Variants in ADGB observed in about 807,000 individuals in gnomAD.
The protein encoded by ADGB is androglobin.
A neutral mutation model predicts 210.5 loss-of-function variants in ADGB; 172 were observed. The observed-to-expected ratio is 0.82, with a 90% CI of 0.72 to 0.93. ADGB has a LOEUF of 0.93. Ranked by LOEUF, ADGB falls within the 40% of genes least tolerant of loss-of-function variation. ADGB has a pLI of 0.00. For synonymous variants in ADGB, 658 were observed against 662.7 expected, an observed-to-expected ratio of 0.99 and a Z score of 0.11; for missense variants, 2,025 against 1,964.8, an observed-to-expected ratio of 1.03 and a Z score of -0.58.
chr6:146,742,981 T>C (rs1043528726), intron 25 of ADGB, among the ~76,000 whole-genome samples: 1 of 152,150 alleles, frequency 6.6e-6, no homozygotes, highest in Non-Finnish European at 1.5e-5. Flanking sequence ...AAGCCAAATA[T>C]TGGAAACCCC....
intron 35 of ADGB, chr6:146,803,950 A>G (rs1443828230): frequency 4.3e-6 from 1 of 235,238 alleles, no homozygotes; most frequent in Non-Finnish European, 8.1e-6. Context: ...GTGGCAGCAG[A>G]TATGTTAGGA....
chr6:146,687,849 C>G (rs1332936006), intron 10 of ADGB, among the ~76,000 whole-genome samples: 3 of 152,014 alleles, frequency 2.0e-5, no homozygotes, highest in African/African-American at 7.2e-5. Context: ...AGTATTCAAA[C>G]CCCCTTTAAA....
At chr6:146,672,890 C>A (rs2114903874) in intron 8 of ADGB, among the ~76,000 whole-genome samples, 1 of 152,080 alleles carries the variant, frequency 6.6e-6, no homozygotes, top group South Asian at 2.1e-4. Flanking sequence ...ACCACCACGC[C>A]CAGCTAATTT....
chr6:146,631,923 A>G (rs1781071532), intron 1 of ADGB, among the ~76,000 whole-genome samples: 2 of 151,418 alleles, frequency 1.3e-5, no homozygotes, highest in Admixed American at 1.3e-4. Flanking sequence ...ATCATTCTTG[A>G]TCTGCTAGCT....
Position 146,724,318 on chromosome 6 carries a change from T to G in ADGB, c.2228T>G (p.Leu743Arg), listed in dbSNP as rs984403819. The change falls in exon 18 of 36, where the codon CTG becomes CGG. Residue 743 changes from leucine (L) to arginine (R), a missense_variant. Coordinates refer to ENST00000397944, the MANE Select transcript of ADGB (RefSeq NM_024694.4). ...TYATKATVVRLPVGRHMLLFN... is the reference protein window; with the variant it reads ...TYATKATVVRRPVGRHMLLFN... Reference sequence around the variant, plus strand: ...GCTACCAAGGCTACAGTGGTTCGTCTGCCTGTTGGGTATGAAGTGGCTTCA... The same window carrying G: ...GCTACCAAGGCTACAGTGGTTCGTCGGCCTGTTGGGTATGAAGTGGCTTCA... 1.3e-4 allele frequency: 194 copies of G among 1,537,522 alleles called. No individual in the cohort carries two copies. The highest frequency in any genetic ancestry group is 1.7e-4 in the Non-Finnish European group (189 of 1,142,458).
At chr6:146,802,928 T>G in intron 35 of ADGB, 1 of 1,610,608 alleles carries the variant, frequency 6.2e-7, no homozygotes, top group Non-Finnish European at 8.5e-7. Context: ...ATTTCCATCA[T>G]TTAAAATTTG....
rs1349508320 is a variant in ADGB, at chr6:146,815,209, A to G, written c.4996A>G (p.Lys1666Glu). ...PDTQKKKKGK[K>E]K is the part of the protein sequence containing the mutation. Reference sequence around the variant, plus strand: ...CACACAGAAAAAAAAGAAAGGAAAGAAAAAGTAACCAGGGGATGTCCAATA... The same window carrying G: ...CACACAGAAAAAAAAGAAAGGAAAGGAAAAGTAACCAGGGGATGTCCAATA... The change falls in exon 36 of 36, where the codon AAA becomes GAA. Residue 1666 changes from lysine to glutamate, a missense_variant. Coordinates refer to ENST00000397944, the MANE Select transcript of ADGB (RefSeq NM_024694.4). The G allele has an allele frequency of 4.7e-6, 7 of 1,505,120 alleles. No individual in the cohort carries two copies. In the East Asian group the frequency reaches 1.8e-4, roughly 38 times the overall value. 93.2% of individuals were successfully genotyped at this position (1,505,120 alleles called of 1,614,324 possible).
intron 32 of ADGB, among the ~76,000 whole-genome samples, chr6:146,786,476 C>A (rs1447349192): frequency 1.1e-4 from 16 of 152,064 alleles, no homozygotes; most frequent in Admixed American, 9.8e-4. Flanking sequence ...AAAATAATAT[C>A]TCTTAACTTT....
intron 20 of ADGB, among the ~76,000 whole-genome samples, chr6:146,732,725 A>G (rs1777012022): frequency 6.6e-6 from 1 of 152,128 alleles, no homozygotes; most frequent in Non-Finnish European, 1.5e-5. Context: ...TAAGAAACAT[A>G]TTTTCATTTT....
intron 10 of ADGB, among the ~76,000 whole-genome samples, chr6:146,689,988 G>A (rs955543272): frequency 1.3e-5 from 2 of 152,086 alleles, no homozygotes; most frequent in African/African-American, 4.8e-5. Flanking sequence ...TCTTAATTCG[G>A]TGACTTAACA....
At chr6:146,664,079 G>A in intron 5 of ADGB, 122 bp from the exon 6 acceptor site, 1 of 940,574 alleles carries the variant, frequency 1.1e-6, no homozygotes, top group Non-Finnish European at 1.5e-6. Flanking sequence ...CCGTCTTTCA[G>A]TGTAAGATGC....
At chr6:146,770,039 TGAG>T (rs776469825) in intron 29 of ADGB, among the ~76,000 whole-genome samples, 71 of 152,202 alleles carry the variant, frequency 4.7e-4, no homozygotes, top group Admixed American at 1.4e-3. Context: ...CCCTGAAGAA[TGAG>T]GAGTTTTGTC....
At chr6:146,646,535 C>T (rs992948070) in intron 3 of ADGB, among the ~76,000 whole-genome samples, 4 of 152,012 alleles carry the variant, frequency 2.6e-5, no homozygotes, top group Admixed American at 6.6e-5. Context: ...CATCTGTGTG[C>T]CCAGGAGTCA....
chr6:146,656,881 G>A lies in ADGB; in HGVS notation c.513G>A (p.Trp171Ter). Residue 171 changes from tryptophan to a stop codon, truncating the protein, a stop_gained, in exon 5 of 36, where the codon TGG (tryptophan) becomes TGA (stop). Transcript: ENST00000397944. LOFTEE classifies it high-confidence loss of function. ...CAGGGGAACCTCCTCTTCTCCCCTG[G>A]AAGCCCTGGGAACACATATACTCTC... ...GTSGEPPLLP[W>*]KPWEHIYSLC... 6.4e-7 allele frequency: 1 copy of A among 1,551,422 alleles called. No homozygotes were observed. The highest frequency in any genetic ancestry group is 8.7e-7 in the Non-Finnish European group (1 of 1,146,736).
chr6:146,677,284 C>T (rs1238194996), intron 9 of ADGB, among the ~76,000 whole-genome samples: 1 of 152,082 alleles, frequency 6.6e-6, no homozygotes, highest in Non-Finnish European at 1.5e-5. Context: ...TCAGCTTTGG[C>T]TCATCTATCT....
intron 33 of ADGB, among the ~76,000 whole-genome samples, chr6:146,790,021 G>A (rs1362780727): frequency 6.6e-6 from 1 of 152,040 alleles, no homozygotes; most frequent in Non-Finnish European, 1.5e-5. Flanking sequence ...ATTTACTTAT[G>A]TGCTAACAAA....
chr6:146,668,690 A>G (rs1775968540), intron 7 of ADGB, among the ~76,000 whole-genome samples: 3 of 152,098 alleles, frequency 2.0e-5, no homozygotes, highest in Non-Finnish European at 4.4e-5. Flanking sequence ...TAGTCAGTAG[A>G]GATACCAGAG....
chr6:146,734,650 C>T (rs1225248201), intron 22 of ADGB, among the ~76,000 whole-genome samples: 21 of 152,170 alleles, frequency 1.4e-4, no homozygotes, highest in Non-Finnish European at 1.5e-5. Flanking sequence ...AGATGCAAAA[C>T]TTATATTCAA....
At chr6:146,768,936 A>G in intron 28 of ADGB, 84 bp from the exon 29 acceptor site, 1 of 664,120 alleles carries the variant, frequency 1.5e-6, no homozygotes, top group Non-Finnish European at 2.4e-6. Context: ...TTCTGCATTT[A>G]TCATGTACCT....
Sources: gnomAD v4.1 joint callset for allele counts (sites outside exome capture counted in the v4.1 genomes callset) on GRCh38, gnomAD v4.1.1 for gene constraint, MANE v1.5 for transcripts, NCBI Gene and HGNC (gene_info 2026-07-23, HGNC 2026-07-21) for gene names.